Variants in BLTP1 observed in about 807,000 individuals in gnomAD.
The protein encoded by BLTP1 is bridge-like lipid transfer protein family member 1, also known as fragile site-associated protein.
chr4:122,249,390 A>G, the BLTP1 span: 1 of 1,517,212 alleles, frequency 6.6e-7, no homozygotes, highest in Non-Finnish European at 8.8e-7. Flanking sequence ...GATATCTTTT[A>G]AAGACAACCA....
the BLTP1 span, among the ~76,000 whole-genome samples, chr4:122,230,667 G>A: frequency 1.3e-5 from 2 of 151,982 alleles, no homozygotes. Flanking sequence ...CTATTTCCTT[G>A]GTCCTTAGGA....
At chr4:122,208,329 A>T in the BLTP1 span, 18 of 878,166 alleles carry the variant, frequency 2.0e-5, no homozygotes, top group African/African-American at 3.3e-4. Flanking sequence ...ATTGGGCAGT[A>T]TAGCTTAGGG....
chr4:122,281,612 G>C, the BLTP1 span: 2 of 1,613,020 alleles, frequency 1.2e-6, no homozygotes, highest in Non-Finnish European at 1.7e-6. Context: ...TCAAACTCCT[G>C]TTGAAACAAA....
chr4:122,207,910 C>T, the BLTP1 span: 1 of 983,774 alleles, frequency 1.0e-6, no homozygotes, highest in Non-Finnish European at 1.2e-6. Context: ...GTATGTTAGC[C>T]CTTCTAGCTC....
At chr4:122,305,659 A>T in the BLTP1 span, 1 of 947,806 alleles carries the variant, frequency 1.1e-6, no homozygotes, top group Non-Finnish European at 1.3e-6. Flanking sequence ...ACTTTTATAT[A>T]AAGTTTATCT....
At chr4:122,224,343 C>T in the BLTP1 span, 40 of 370,444 alleles carry the variant, frequency 1.1e-4, no homozygotes, top group African/African-American at 8.2e-4. Flanking sequence ...AATACCTCTG[C>T]GGGTACAAGG....
the BLTP1 span, chr4:122,194,466 T>C: frequency 2.6e-6 from 2 of 771,602 alleles, no homozygotes; most frequent in East Asian, 2.6e-4. Context: ...AAAATTTTCC[T>C]ATAAGTCATG....
the BLTP1 span, chr4:122,246,846 C>G: frequency 1.3e-5 from 21 of 1,597,318 alleles, no homozygotes; most frequent in South Asian, 2.4e-4. Context: ...CCATGATTAT[C>G]TTGCTGGATG....
chr4:122,264,077 A>G, the BLTP1 span: 1 of 913,084 alleles, frequency 1.1e-6, no homozygotes, highest in Non-Finnish European at 1.3e-6. Context: ...TTTTTCACTA[A>G]TAAATCATGT....
At chr4:122,269,665 T>A in the BLTP1 span, 1 of 985,308 alleles carries the variant, frequency 1.0e-6, no homozygotes, top group Non-Finnish European at 1.2e-6. Flanking sequence ...TTCTGCTGAT[T>A]GTTGTATATT....
chr4:122,347,813 C>T, the BLTP1 span: 3 of 1,478,918 alleles, frequency 2.0e-6, no homozygotes, highest in Admixed American at 3.5e-5. Context: ...AGTAGCCCTA[C>T]AGTGTTCTCA....
chr4:122,315,850 C>G, the BLTP1 span, among the ~76,000 whole-genome samples: 1 of 152,080 alleles, frequency 6.6e-6, no homozygotes, highest in African/African-American at 2.4e-5. Flanking sequence ...GTCTTTTAAT[C>G]GAGTTCTGTG....
At chr4:122,284,752 G>T in the BLTP1 span, among the ~76,000 whole-genome samples, 2 of 152,020 alleles carry the variant, frequency 1.3e-5, no homozygotes, top group Admixed American at 1.3e-4. Flanking sequence ...GTTCTATTTT[G>T]TTATCGTTGT....
chr4:122,356,573 A>G, the BLTP1 span: 1 of 1,590,358 alleles, frequency 6.3e-7, no homozygotes, highest in Non-Finnish European at 8.6e-7. Context: ...AATCCTTATT[A>G]ATGGGAAGAT....
chr4:122,180,236 C>T, the BLTP1 span: 24 of 942,632 alleles, frequency 2.5e-5, no homozygotes, highest in South Asian at 1.0e-3. Context: ...CACTCTGAGC[C>T]TCATTTTTTT....
the BLTP1 span, chr4:122,174,163 T>A: frequency 1.0e-6 from 1 of 982,016 alleles, no homozygotes; most frequent in African/African-American, 1.8e-5. Context: ...GAGTACCTTT[T>A]AGTCGACATA....
At chr4:122,276,997 T>A in the BLTP1 span, 1 of 983,416 alleles carries the variant, frequency 1.0e-6, no homozygotes, top group African/African-American at 1.7e-5. Context: ...AACTGGCCTG[T>A]AATTAATATG....
chr4:122,189,874 A>C, the BLTP1 span: 3 of 1,370,548 alleles, frequency 2.2e-6, no homozygotes, highest in Non-Finnish European at 2.8e-6. Flanking sequence ...TCAGGATGCT[A>C]CTTGTTATGT....
At chr4:122,304,851 T>C in the BLTP1 span, 1 of 1,613,972 alleles carries the variant, frequency 6.2e-7, no homozygotes. Flanking sequence ...GATTTGAAAC[T>C]GGATTGATTG....
Sources: gnomAD v4.1 joint callset for allele counts (sites outside exome capture counted in the v4.1 genomes callset) on GRCh38, gnomAD v4.1.1 for gene constraint, MANE v1.5 for transcripts, NCBI Gene and HGNC (gene_info 2026-07-23, HGNC 2026-07-21) for gene names.